HORMAD2: variants seen among roughly 807,000 people sequenced by gnomAD.
HORMAD2 encodes the protein HORMA domain containing 2, also known as HORMA domain-containing protein 2.
A neutral mutation model predicts 38.8 loss-of-function variants in HORMAD2; 45 were observed. The ratio of observed to expected loss-of-function variants is 1.16; its 90% confidence interval spans 0.91 to 1.49. HORMAD2 has a LOEUF of 1.49. HORMAD2 is among the 40% of genes most tolerant of loss of function. The pLI is 0.00. For synonymous variants in HORMAD2, 126 were observed against 122.8 expected (o/e 1.03, Z -0.17); for missense variants, 338 against 367.0 (o/e 0.92, Z 0.65).
chr22:30,157,500 C>A (rs184241264), intron 10 of HORMAD2, among the ~76,000 whole-genome samples: 1 of 151,804 alleles, frequency 6.6e-6, no homozygotes, highest in African/African-American at 2.4e-5. Flanking sequence ...TGGAACCCAG[C>A]CCCCTGGTTC....
At chr22:30,135,497 G>A (rs1198930630) in intron 10 of HORMAD2, among the ~76,000 whole-genome samples, 1 of 152,134 alleles carries the variant, frequency 6.6e-6, no homozygotes, top group South Asian at 2.1e-4. Flanking sequence ...CAGAGGGCAG[G>A]GAACTATACA....
At position 30,124,577 on chromosome 22, in the gene HORMAD2, C is replaced by T. The variant is rs182147194; in HGVS notation, c.819+2363C>T. Among the ~76,000 whole-genome samples, 196 of 152,182 alleles carry T rather than the reference C, an allele frequency of 1.3e-3. 1 individual carries two copies. Among genetic ancestry groups the T allele is most frequent in the African/African-American group, 4.6e-3 (191 of 41,514 alleles). On this transcript the variant is annotated intron_variant, in intron 10 of 10. Transcript: ENST00000336726. ...TTTGCCATGGATGAGTACATCTACT[C>T]GTTTTAAATTTGTATATCAAAGTAA...
chr22:30,088,282 T>C (rs2068622085), intron 1 of HORMAD2, among the ~76,000 whole-genome samples: 1 of 150,642 alleles, frequency 6.6e-6, no homozygotes, highest in African/African-American at 2.4e-5. Flanking sequence ...CACACATATA[T>C]ACATACATAT....
intron 10 of HORMAD2, among the ~76,000 whole-genome samples, chr22:30,124,879 G>A (rs1018137352): frequency 1.3e-5 from 2 of 152,046 alleles, no homozygotes; most frequent in Admixed American, 6.6e-5. Flanking sequence ...CAACTTACTC[G>A]CTACCCCCAG....
At chr22:30,136,763 A>G (rs1406355791) in intron 10 of HORMAD2, 6 of 187,542 alleles carry the variant, frequency 3.2e-5, no homozygotes, top group Non-Finnish European at 5.5e-5. Flanking sequence ...CAAAACTACT[A>G]CCTTCACCAT....
intron 10 of HORMAD2, among the ~76,000 whole-genome samples, chr22:30,126,309 C>T (rs1003791401): frequency 1.3e-5 from 2 of 152,068 alleles, no homozygotes; most frequent in Non-Finnish European, 2.9e-5. Context: ...GCTGGGACTA[C>T]AGGCGCCCGC....
intron 10 of HORMAD2, among the ~76,000 whole-genome samples, chr22:30,161,715 AT>A (rs934544001): frequency 2.0e-5 from 3 of 152,158 alleles, no homozygotes; most frequent in South Asian, 2.1e-4. Flanking sequence ...AATAAACATT[AT>A]TTTTTTAAAT....
At chr22:30,144,206 G>T (rs574587531) in intron 10 of HORMAD2, among the ~76,000 whole-genome samples, 3 of 152,112 alleles carry the variant, frequency 2.0e-5, no homozygotes, top group African/African-American at 7.2e-5. Context: ...AGTGTCCCAG[G>T]CATATATTAC....
chr22:30,130,891 C>G (rs1788435997), intron 10 of HORMAD2, among the ~76,000 whole-genome samples: 1 of 152,126 alleles, frequency 6.6e-6, no homozygotes, highest in Admixed American at 6.5e-5. Flanking sequence ...GCCACCATGC[C>G]TGGCCAGGTC....
At chr22:30,081,098 C>T (rs890267385) in intron 1 of HORMAD2, 2 of 152,204 alleles carry the variant, frequency 1.3e-5, no homozygotes, top group African/African-American at 4.8e-5. Flanking sequence ...ATTAGCCAAT[C>T]GCCAAAATGT....
chr22:30,205,472 C>T, the HORMAD2 span, among the ~76,000 whole-genome samples: 3 of 152,176 alleles, frequency 2.0e-5, no homozygotes, highest in Non-Finnish European at 2.9e-5. Context: ...AGGCCGGTGA[C>T]TGGCCCAAGG....
rs369983169 is a variant in HORMAD2 at position 30,094,005 on chromosome 22, T to C, written c.51+2T>C. 2 of 1,595,834 alleles carry C rather than the reference T, an allele frequency of 1.3e-6. No individual in the cohort carries two copies. Among genetic ancestry groups the C allele is most frequent in the Non-Finnish European group, 1.7e-6 (2 of 1,167,442 alleles). Reference sequence around the variant, plus strand: ...ATCACAATACACAAGGCTTCTAAGGTATTTGTTAAGAATTAAAAGAAAATC... The same window carrying C: ...ATCACAATACACAAGGCTTCTAAGGCATTTGTTAAGAATTAAAAGAAAATC... On this transcript the variant is annotated splice_donor_variant, in intron 2 of 10. Coordinates refer to ENST00000336726, the MANE Select transcript of HORMAD2 (RefSeq NM_152510.4). LOFTEE classifies it high-confidence loss of function.
intron 10 of HORMAD2, among the ~76,000 whole-genome samples, chr22:30,157,146 A>T (rs1221262123): frequency 6.6e-6 from 1 of 152,136 alleles, no homozygotes; most frequent in Admixed American, 6.5e-5. Context: ...CTTGGAGACC[A>T]TGAAAGGGAA....
intron 5 of HORMAD2, among the ~76,000 whole-genome samples, chr22:30,106,099 C>G (rs1921170672): frequency 6.6e-6 from 1 of 152,162 alleles, no homozygotes; most frequent in South Asian, 2.1e-4. Context: ...CAACCTCCGC[C>G]TCCCAGGTTC....
chr22:30,178,995 C>T (rs1212199939), downstream of HORMAD2, among the ~76,000 whole-genome samples: 2 of 152,120 alleles, frequency 1.3e-5, no homozygotes, highest in African/African-American at 4.8e-5. Flanking sequence ...CTCCAGCTCA[C>T]CTCTTCCAGG....
chr22:30,098,484 T>C (rs5997570), intron 2 of HORMAD2, among the ~76,000 whole-genome samples: 54 of 152,296 alleles, frequency 3.5e-4, no homozygotes, highest in African/African-American at 1.3e-3. Flanking sequence ...TATAGGATTG[T>C]ACTTGGTGAC....
chr22:30,127,199 CTTTTTTTTTTT>C (rs757608874), intron 10 of HORMAD2, among the ~76,000 whole-genome samples: 9 of 79,808 alleles, frequency 1.1e-4, no homozygotes, highest in East Asian at 7.9e-4. Context: ...AACAGAAGTT[CTTTTTTTTTTT>C]TTTTTTTTTT....
chr22:30,117,894 A>T (rs1452320496), intron 7 of HORMAD2, among the ~76,000 whole-genome samples: 1 of 152,184 alleles, frequency 6.6e-6, no homozygotes, highest in East Asian at 1.9e-4. Flanking sequence ...CTTAACAGTG[A>T]GGAGAGCAGA....
At position 30,176,245 on chromosome 22, in the gene HORMAD2, A is replaced by T; in HGVS notation, c.*78A>T. 1.0e-6 allele frequency: 1 copy of T among 981,980 alleles called. No homozygotes were observed. 60.8% of individuals were successfully genotyped at this position (981,980 alleles called of 1,614,324 possible). On this transcript the variant is annotated 3_prime_UTR_variant, in exon 11 of 11. Coordinates refer to ENST00000336726, the MANE Select transcript of HORMAD2 (RefSeq NM_152510.4). ...CATGCATAAACTGTCTTAGCAGGAA[A>T]GTACATTCCTGTTACCAAAACCTTT...
Sources: allele counts gnomAD v4.1 joint callset (sites outside exome capture counted in the v4.1 genomes callset), GRCh38; gene constraint gnomAD v4.1.1; transcripts MANE v1.5; gene names NCBI Gene and HGNC (gene_info 2026-07-23, HGNC 2026-07-21).